Variants in COL25A1 observed in about 807,000 individuals in gnomAD.
COL25A1 encodes collagen type XXV alpha 1 chain.
COL25A1 carries 103 observed loss-of-function variants against 128.4 expected under a neutral mutation model. That is an observed-to-expected ratio of 0.80 (90% CI 0.68 to 0.94). The LOEUF (loss-of-function observed/expected upper bound fraction) is 0.94, where lower values mean the gene tolerates loss of function less well. Ranked by LOEUF, COL25A1 falls within the 40% of genes least tolerant of loss-of-function variation. COL25A1 has a pLI of 0.00. For missense variants in COL25A1, 745 were observed against 840.0 expected (o/e 0.89, Z 1.40); for synonymous variants, 279 against 277.2 (o/e 1.01, Z -0.06).
At chr4:109,279,746 G>T (rs562286493) in intron 3 of COL25A1, among the ~76,000 whole-genome samples, 1 of 152,194 alleles carries the variant, frequency 6.6e-6, no homozygotes, top group Admixed American at 6.5e-5. Context: ...ATTATTTTTT[G>T]TTAATGAGCC....
At chr4:109,104,119 T>C (rs1164426492) in intron 3 of COL25A1, among the ~76,000 whole-genome samples, 1 of 152,138 alleles carries the variant, frequency 6.6e-6, no homozygotes, top group East Asian at 1.9e-4. Flanking sequence ...ATGCTTGTAA[T>C]TGCAACACTT....
intron 5 of COL25A1, among the ~76,000 whole-genome samples, chr4:109,032,300 T>G (rs574702162): frequency 6.6e-6 from 1 of 152,182 alleles, no homozygotes. Context: ...AACATCTGAC[T>G]CTTTAAAAAT....
At chr4:109,185,240 A>T (rs1292100782) in intron 3 of COL25A1, among the ~76,000 whole-genome samples, 1 of 152,218 alleles carries the variant, frequency 6.6e-6, no homozygotes, top group Non-Finnish European at 1.5e-5. Flanking sequence ...TACTTGGATT[A>T]GGTAAATTGA....
intron 3 of COL25A1, among the ~76,000 whole-genome samples, chr4:109,097,575 A>G (rs36195905): frequency 0.23 from 34,866 of 151,242 alleles, 5,209 homozygotes; most frequent in African/African-American, 0.4. Flanking sequence ...ATGGCACCAT[A>G]GCACTCCAGC....
At chr4:109,093,989 G>A (rs944433290) in intron 3 of COL25A1, among the ~76,000 whole-genome samples, 2 of 151,932 alleles carry the variant, frequency 1.3e-5, no homozygotes, top group African/African-American at 4.8e-5. Context: ...CACAGGCCCT[G>A]TTTATTAATA....
At chr4:108,907,619 A>C (rs930186662) in intron 13 of COL25A1, among the ~76,000 whole-genome samples, 1 of 152,230 alleles carries the variant, frequency 6.6e-6, no homozygotes, top group Non-Finnish European at 1.5e-5. Context: ...GAAGAAACAC[A>C]TTCAGAGAGA....
intron 5 of COL25A1, among the ~76,000 whole-genome samples, chr4:109,022,772 A>G (rs1757890897): frequency 6.6e-6 from 1 of 152,200 alleles, no homozygotes; most frequent in African/African-American, 2.4e-5. Context: ...TTCTGAAAGT[A>G]TACACCAGAG....
intron 5 of COL25A1, among the ~76,000 whole-genome samples, chr4:109,036,818 C>T (rs74730125): frequency 0.011 from 1,646 of 152,274 alleles, 31 homozygotes; most frequent in African/African-American, 0.038. Flanking sequence ...CTGCAGAGAA[C>T]TCTCTAATCC....
At chr4:109,066,460 CCAT>C (rs1225430674) in intron 3 of COL25A1, among the ~76,000 whole-genome samples, 1 of 152,302 alleles carries the variant, frequency 6.6e-6, no homozygotes, top group Non-Finnish European at 1.5e-5. Flanking sequence ...CTGCCTATCT[CCAT>C]CATCATTACA....
At chr4:109,150,741 A>C (rs931581117) in intron 3 of COL25A1, among the ~76,000 whole-genome samples, 1 of 152,136 alleles carries the variant, frequency 6.6e-6, no homozygotes, top group Admixed American at 6.5e-5. Context: ...TATTTTTTAC[A>C]ATTTTGCCAT....
At chr4:109,065,423 G>GT (rs141457515) in intron 3 of COL25A1, among the ~76,000 whole-genome samples, 2,628 of 152,168 alleles carry the variant, frequency 0.017, 79 homozygotes, top group African/African-American at 0.058. Context: ...GTAGGGAACT[G>GT]TTTTCTATAG....
intron 28 of COL25A1, among the ~76,000 whole-genome samples, chr4:108,845,937 A>C (rs966440359): frequency 6.6e-6 from 1 of 152,188 alleles, no homozygotes; most frequent in Non-Finnish European, 1.5e-5. Flanking sequence ...GGCTTCCTTT[A>C]TAATTCATTT....
intron 11 of COL25A1, among the ~76,000 whole-genome samples, chr4:108,926,499 A>G (rs1011375233): frequency 6.6e-6 from 1 of 152,200 alleles, no homozygotes; most frequent in Non-Finnish European, 1.5e-5. Context: ...CAAAATGAAG[A>G]AAATACTTTT....
chr4:108,884,565 C>T (rs1431198404), intron 18 of COL25A1, among the ~76,000 whole-genome samples: 1 of 152,044 alleles, frequency 6.6e-6, no homozygotes, highest in East Asian at 1.9e-4. Context: ...ATCTATTTGC[C>T]CAAATGAAGA....
At chr4:109,064,093 G>A (rs568988429) in intron 3 of COL25A1, among the ~76,000 whole-genome samples, 11 of 152,248 alleles carry the variant, frequency 7.2e-5, no homozygotes, top group Middle Eastern at 3.4e-3. Flanking sequence ...AGTCAAAGAC[G>A]GTCACCAAGG....
chr4:109,206,104 A>G (rs372217199), intron 3 of COL25A1, among the ~76,000 whole-genome samples: 40 of 152,310 alleles, frequency 2.6e-4, no homozygotes, highest in African/African-American at 9.4e-4. Context: ...CACTTAATAT[A>G]TAAGATTAAT....
chr4:109,235,243 T>G (rs1175813053), intron 3 of COL25A1, among the ~76,000 whole-genome samples: 1 of 152,160 alleles, frequency 6.6e-6, no homozygotes, highest in East Asian at 1.9e-4. Context: ...AAGATCTCAG[T>G]GGCCAGAGTC....
chr4:108,913,556 C>A (rs1394802095), intron 13 of COL25A1, among the ~76,000 whole-genome samples: 1 of 152,128 alleles, frequency 6.6e-6, no homozygotes, highest in Non-Finnish European at 1.5e-5. Context: ...CCGCACCCGA[C>A]CTCCAGCTCC....
chr4:108,852,291 A>T lies in COL25A1; in HGVS notation c.1345-11T>A. Reference sequence around the variant, plus strand: ...AGGTCCAGGGGGACCCTAAATCAAGAAAAAGCACAGTTTTTAAAAGTAGTA... The same window carrying T: ...AGGTCCAGGGGGACCCTAAATCAAGTAAAAGCACAGTTTTTAAAAGTAGTA... On this transcript the variant is annotated splice_polypyrimidine_tract_variant and intron_variant, in intron 25 of 37. Transcript: ENST00000399132. 1 of 1,591,002 alleles carries T rather than the reference A, an allele frequency of 6.3e-7. No individual in the cohort carries two copies. The highest frequency in any genetic ancestry group is 8.5e-7 in the Non-Finnish European group (1 of 1,171,202).
Sources: allele counts gnomAD v4.1 joint callset (sites outside exome capture counted in the v4.1 genomes callset), GRCh38; gene constraint gnomAD v4.1.1; transcripts MANE v1.5; gene names NCBI Gene and HGNC (gene_info 2026-07-23, HGNC 2026-07-21).